SOS2: variants seen among roughly 807,000 people sequenced by gnomAD.
SOS2 encodes SOS Ras/Rho guanine nucleotide exchange factor 2.
A neutral mutation model predicts 148.2 loss-of-function variants in SOS2; 65 were observed. The ratio of observed to expected loss-of-function variants is 0.44; its 90% CI spans 0.36 to 0.54. The LOEUF is 0.54. SOS2 is among the 20% of genes least tolerant of loss of function. The pLI is 0.00. For synonymous variants in SOS2, 539 were observed against 537.1 expected, an observed-to-expected ratio of 1.00 and a Z score of -0.05; for missense variants, 1,341 against 1,590.2, an observed-to-expected ratio of 0.84 and a Z score of 2.67.
At chr14:50,173,583 G>A (rs1013908794) in intron 8 of SOS2, among the ~76,000 whole-genome samples, 3 of 152,018 alleles carry the variant, frequency 2.0e-5, no homozygotes, top group African/African-American at 4.8e-5. Context: ...CATCATGCCC[G>A]GCTAATTTTT....
At chr14:50,199,947 A>G in intron 3 of SOS2, 92 bp from the exon 4 acceptor site, 2 of 770,378 alleles carry the variant, frequency 2.6e-6, no homozygotes, top group Non-Finnish European at 4.2e-6. Flanking sequence ...TTGCTTATAA[A>G]AAATTTTCTA....
At chr14:50,158,820 T>G (rs545603324) in intron 10 of SOS2, among the ~76,000 whole-genome samples, 174 bp from the exon 11 acceptor site, 1 of 152,162 alleles carries the variant, frequency 6.6e-6, no homozygotes, top group Non-Finnish European at 1.5e-5. Context: ...CTGCCATACA[T>G]AGAGAAATAC....
intron 1 of SOS2, among the ~76,000 whole-genome samples, chr14:50,214,674 TG>T (rs1344010246): frequency 6.6e-6 from 1 of 150,538 alleles, no homozygotes; most frequent in Non-Finnish European, 1.5e-5. Flanking sequence ...ATTGTAAGTG[TG>T]GCAGTAGACT....
rs1011961659 is a variant in SOS2 at position 50,121,534 on chromosome 14, G to C, written c.3380-1150C>G. On this transcript the variant is annotated intron_variant, in intron 21 of 22. Transcript: ENST00000216373. Reference sequence around the variant, plus strand: ...CTCTGCAGTTACTTCCTGGGGGAGGGGGGGGAGTCCTGTTGACTCAGGGGG... The same window carrying C: ...CTCTGCAGTTACTTCCTGGGGGAGGCGGGGGAGTCCTGTTGACTCAGGGGG... Among the ~76,000 whole-genome samples, 48 of 145,562 alleles carry C rather than the reference G, an allele frequency of 3.3e-4. 2 individuals are homozygous for C. Among genetic ancestry groups the C allele is most frequent in the East Asian group, 1.6e-3 (8 of 4,924 alleles).
intron 9 of SOS2, 115 bp downstream of exon 9, chr14:50,161,367 C>T (rs1885004005): frequency 1.3e-6 from 1 of 789,418 alleles, no homozygotes; most frequent in Non-Finnish European, 2.0e-6. Flanking sequence ...AAAAGTATGA[C>T]AAGCACAACT....
At chr14:50,221,757 G>A (rs1334346375) in intron 1 of SOS2, among the ~76,000 whole-genome samples, 1 of 152,162 alleles carries the variant, frequency 6.6e-6, no homozygotes, top group Non-Finnish European at 1.5e-5. Context: ...AGGATCGCTT[G>A]AGCCTGGGAG....
intron 14 of SOS2, 135 bp downstream of exon 14, chr14:50,149,873 A>G: frequency 1.5e-6 from 1 of 664,092 alleles, no homozygotes; most frequent in South Asian, 1.8e-5. Flanking sequence ...AAACTGTGCT[A>G]TGACCTTTCC....
intron 1 of SOS2, 30 bp downstream of exon 1, chr14:50,231,167 C>T: frequency 7.5e-7 from 1 of 1,338,084 alleles, no homozygotes; most frequent in Non-Finnish European, 9.9e-7. Context: ...CCACGGGCCA[C>T]CCGCCGGCCG....
At chr14:50,134,647 GA>G (rs1399115527) in intron 18 of SOS2, among the ~76,000 whole-genome samples, 1 of 151,938 alleles carries the variant, frequency 6.6e-6, no homozygotes, top group Non-Finnish European at 1.5e-5. Context: ...TTGATAATCA[GA>G]AAAAAAGTGG....
intron 21 of SOS2, among the ~76,000 whole-genome samples, chr14:50,128,664 G>A (rs1309892155): frequency 6.6e-6 from 1 of 152,194 alleles, no homozygotes; most frequent in Admixed American, 6.5e-5. Flanking sequence ...AAGTGTCCTT[G>A]GAGAACAAGA....
intron 1 of SOS2, among the ~76,000 whole-genome samples, chr14:50,211,614 T>C (rs1361626595): frequency 2.9e-4 from 1 of 3,446 alleles, no homozygotes; most frequent in South Asian, 2.6e-3. Context: ...TTTAATTAAT[T>C]ATTATTATTA....
At chr14:50,132,444 TG>T (rs1883909599) in intron 19 of SOS2, among the ~76,000 whole-genome samples, 1 of 151,010 alleles carries the variant, frequency 6.6e-6, no homozygotes, top group South Asian at 2.1e-4. Context: ...GTGGATCACT[TG>T]AGGTCAGGAG....
At chr14:50,220,792 C>A (rs1229335999) in intron 1 of SOS2, among the ~76,000 whole-genome samples, 2 of 152,126 alleles carry the variant, frequency 1.3e-5, no homozygotes, top group Non-Finnish European at 2.9e-5. Context: ...ATAATATAAT[C>A]AAATATGTAA....
Position 50,201,390 on chromosome 14 carries a change from G to C in SOS2, c.214-306C>G, listed in dbSNP as rs185052456. On this transcript the variant is annotated intron_variant, in intron 2 of 22. Coordinates refer to ENST00000216373, the MANE Select transcript of SOS2 (RefSeq NM_006939.4). ...TATTAAAAATACAAAAATTAGCCCG[G>C]CATGGTGGTGGTGCATGCCTATAGT... 4.7e-4 allele frequency among the ~76,000 whole-genome samples: 72 copies of C among 151,998 alleles called. 1 individual carries two copies. In the East Asian group the frequency reaches 0.01, roughly 22 times the overall value.
chr14:50,173,230 G>C (rs969954361), intron 8 of SOS2, among the ~76,000 whole-genome samples: 3 of 152,022 alleles, frequency 2.0e-5, no homozygotes, highest in African/African-American at 7.2e-5. Flanking sequence ...GGTTTAGATA[G>C]ACAGTTACGA....
intron 1 of SOS2, among the ~76,000 whole-genome samples, chr14:50,207,104 G>A (rs1566480149): frequency 1.3e-5 from 2 of 152,102 alleles, no homozygotes; most frequent in Non-Finnish European, 2.9e-5. Flanking sequence ...AAACATAAAG[G>A]AAGCAATACA....
rs1243000778 is a variant in SOS2, at chr14:50,224,304, A to AAAAAAAT, written c.87+6892_87+6893insATTTTTT. Among the ~76,000 whole-genome samples, 8 of 62,694 alleles carry AAAAAAAT rather than the reference A, an allele frequency of 1.3e-4. No homozygotes were observed. The East Asian group carries it at 4.9e-3, about 38-fold the overall frequency. The allele number at this position is 62,694 out of a possible 152,430, so 41.1% of individuals were successfully genotyped here. On this transcript the variant is annotated intron_variant, in intron 1 of 22. Coordinates refer to ENST00000216373, the MANE Select transcript of SOS2 (RefSeq NM_006939.4). ...AGACTCCGTCTCAGGAAAAAAAAAAAATATATATATACACACACACACACA... is the reference window on the plus strand; with the variant it reads ...AGACTCCGTCTCAGGAAAAAAAAAAAAAAAAATATATATATATACACACACACACACA...
At chr14:50,174,871 T>C (rs1363489940) in intron 7 of SOS2, among the ~76,000 whole-genome samples, 1 of 152,236 alleles carries the variant, frequency 6.6e-6, no homozygotes, top group Non-Finnish European at 1.5e-5. Context: ...TCCTGCACAA[T>C]TTTAAAATGT....
At chr14:50,142,576 T>C (rs1415522911) in intron 16 of SOS2, among the ~76,000 whole-genome samples, 1 of 152,230 alleles carries the variant, frequency 6.6e-6, no homozygotes, top group African/African-American at 2.4e-5. Flanking sequence ...AATATTATAG[T>C]CATTCTGAAG....
Sources: allele counts gnomAD v4.1 joint callset (sites outside exome capture counted in the v4.1 genomes callset), GRCh38; gene constraint gnomAD v4.1.1; transcripts MANE v1.5; gene names NCBI Gene and HGNC (gene_info 2026-07-23, HGNC 2026-07-21).